Variants in SLC14A2 observed in about 807,000 individuals in gnomAD.
The protein encoded by SLC14A2 is urea transporter 2.
Under a neutral mutation model 104.6 loss-of-function variants are expected in SLC14A2, and 91 were observed. The observed-to-expected ratio is 0.87, with a 90% CI of 0.73 to 1.04. SLC14A2 has a LOEUF of 1.04. Among genes scored for constraint, SLC14A2 ranks in the 50% least tolerant of loss-of-function variants. SLC14A2 has a pLI of 0.00. For synonymous variants in SLC14A2, 476 were observed against 466.4 expected (o/e 1.02, Z -0.27); for missense variants, 1,189 against 1,156.0 (o/e 1.03, Z -0.41).
intron 2 of SLC14A2, among the ~76,000 whole-genome samples, chr18:45,569,845 G>C (rs1386477462): frequency 6.6e-6 from 1 of 152,142 alleles, no homozygotes; most frequent in African/African-American, 2.4e-5. Flanking sequence ...CCAGCTGTGT[G>C]ACCTTGGGCT....
chr18:45,214,072 G>C (rs2083986035), intron 1 of SLC14A2, among the ~76,000 whole-genome samples: 1 of 152,194 alleles, frequency 6.6e-6, no homozygotes, highest in Non-Finnish European at 1.5e-5. Flanking sequence ...GGTGAGATGA[G>C]GTTCATTGCT....
chr18:45,323,504 A>G (rs1446597400), intron 1 of SLC14A2, among the ~76,000 whole-genome samples: 2 of 152,098 alleles, frequency 1.3e-5, no homozygotes, highest in East Asian at 3.8e-4. Context: ...CCTAAATCTG[A>G]CCATATTTTT....
upstream of SLC14A2, among the ~76,000 whole-genome samples, chr18:45,209,847 C>T (rs991045934): frequency 1.3e-5 from 2 of 152,220 alleles, no homozygotes. Context: ...ATGCCCAGTG[C>T]TCCTGATTCC....
intron 1 of SLC14A2, among the ~76,000 whole-genome samples, chr18:45,238,279 C>G (rs998804060): frequency 6.6e-6 from 1 of 152,158 alleles, no homozygotes; most frequent in African/African-American, 2.4e-5. Flanking sequence ...ATATAGGACA[C>G]TGAGTGTGAA....
At chr18:45,371,686 C>G (rs1271486738) in intron 1 of SLC14A2, among the ~76,000 whole-genome samples, 1 of 152,188 alleles carries the variant, frequency 6.6e-6, no homozygotes, top group East Asian at 1.9e-4. Context: ...CTTACTAACT[C>G]TCTCCTGAGG....
At chr18:45,541,102 T>TAGGG (rs987252433) in intron 2 of SLC14A2, among the ~76,000 whole-genome samples, 1 of 152,196 alleles carries the variant, frequency 6.6e-6, no homozygotes, top group Non-Finnish European at 1.5e-5. Flanking sequence ...GCTCAGAGTC[T>TAGGG]AGGGATCTAA....
chr18:45,601,409 T>A (rs1465090904), intron 2 of SLC14A2, among the ~76,000 whole-genome samples: 1 of 152,214 alleles, frequency 6.6e-6, no homozygotes, highest in African/African-American at 2.4e-5. Flanking sequence ...TCCCCACCCC[T>A]CTGGGCAACT....
At chr18:45,355,598 A>C (rs1183060926) in intron 1 of SLC14A2, among the ~76,000 whole-genome samples, 1 of 151,496 alleles carries the variant, frequency 6.6e-6, no homozygotes, top group Non-Finnish European at 1.5e-5. Context: ...AAAAAAAAAA[A>C]AACCCTGATT....
At chr18:45,423,391 C>A (rs1272115838) in intron 1 of SLC14A2, among the ~76,000 whole-genome samples, 9 of 152,210 alleles carry the variant, frequency 5.9e-5, no homozygotes. Context: ...GGGGAGAGCC[C>A]TTTGCTCAGG....
At chr18:45,417,633 T>A (rs1303799959) in intron 1 of SLC14A2, among the ~76,000 whole-genome samples, 1 of 152,136 alleles carries the variant, frequency 6.6e-6, no homozygotes, top group Non-Finnish European at 1.5e-5. Flanking sequence ...ACCAGGTCCC[T>A]TGCATGACAT....
At chr18:45,420,897 C>A (rs1001222164) in intron 1 of SLC14A2, among the ~76,000 whole-genome samples, 1 of 152,056 alleles carries the variant, frequency 6.6e-6, no homozygotes, top group African/African-American at 2.4e-5. Context: ...TGCACCACCA[C>A]GCCTAGCTAA....
intron 2 of SLC14A2, among the ~76,000 whole-genome samples, chr18:45,501,021 G>T (rs2043189493): frequency 6.6e-6 from 1 of 152,188 alleles, no homozygotes; most frequent in South Asian, 2.1e-4. Context: ...GAGGAAACGG[G>T]AGAGAAGCTA....
the SLC14A2 span, among the ~76,000 whole-genome samples, chr18:45,171,607 G>T: frequency 6.6e-6 from 1 of 152,048 alleles, no homozygotes; most frequent in Non-Finnish European, 1.5e-5. Context: ...AACACAAGCA[G>T]TCATCTCTCC....
intron 1 of SLC14A2, among the ~76,000 whole-genome samples, chr18:45,223,272 G>T (rs372480752): frequency 1.1e-4 from 17 of 152,246 alleles, no homozygotes; most frequent in East Asian, 7.7e-4. Flanking sequence ...GCGTGTGAGA[G>T]GTCACAATGA....
the SLC14A2 span, among the ~76,000 whole-genome samples, chr18:45,202,411 G>T: frequency 2.0e-5 from 3 of 152,152 alleles, no homozygotes; most frequent in African/African-American, 7.2e-5. Context: ...ATTATGTGAT[G>T]TTCAAAGGAA....
At chr18:45,232,930 A>G (rs1903647) in intron 1 of SLC14A2, among the ~76,000 whole-genome samples, 48,284 of 152,100 alleles carry the variant, frequency 0.32, 8,202 homozygotes, top group African/African-American at 0.45. Flanking sequence ...CAGGTGGGCC[A>G]TGAGACGAGA....
intron 12 of SLC14A2, among the ~76,000 whole-genome samples, 182 bp downstream of exon 12, chr18:45,666,401 T>A (rs148441267): frequency 2.0e-5 from 3 of 152,350 alleles, no homozygotes; most frequent in African/African-American, 4.8e-5. Flanking sequence ...CTTTGTAACT[T>A]TTCATATTCC....
At chr18:45,323,352 C>G (rs575235715) in intron 1 of SLC14A2, among the ~76,000 whole-genome samples, 3 of 152,174 alleles carry the variant, frequency 2.0e-5, no homozygotes, top group Non-Finnish European at 4.4e-5. Context: ...AAGGAGCCAC[C>G]ATTGTGTTAA....
chr18:45,430,499 G>A (rs1035818713), intron 1 of SLC14A2, among the ~76,000 whole-genome samples: 11 of 152,148 alleles, frequency 7.2e-5, no homozygotes, highest in Non-Finnish European at 1.3e-4. Context: ...AGAGATCTGT[G>A]TGGATTGGGA....
Sources: gnomAD v4.1 joint callset for allele counts (sites outside exome capture counted in the v4.1 genomes callset) on GRCh38, gnomAD v4.1.1 for gene constraint, MANE v1.5 for transcripts, NCBI Gene and HGNC (gene_info 2026-07-23, HGNC 2026-07-21) for gene names.